PELI1: variants seen among roughly 807,000 people sequenced by gnomAD.
PELI1 encodes pellino E3 ubiquitin protein ligase 1.
Under a neutral mutation model 41.3 loss-of-function variants are expected in PELI1, and 15 were observed. That is an observed-to-expected ratio of 0.36 (90% CI 0.24 to 0.56). The LOEUF (loss-of-function observed/expected upper bound fraction) is 0.56, where lower values mean the gene tolerates loss of function less well. PELI1 is among the 20% of genes least tolerant of loss of function. The pLI is 0.82. For synonymous variants in PELI1, 178 were observed against 180.1 expected (o/e 0.99, Z 0.09); for missense variants, 403 against 525.5 (o/e 0.77, Z 2.28).
At position 64,143,709 on chromosome 2, in the gene PELI1, G is replaced by A. The variant is rs529580284; in HGVS notation, c.-70+372C>T. Among the ~76,000 whole-genome samples, 553 of 152,266 alleles carry A rather than the reference G, an allele frequency of 3.6e-3. 1 individual carries two copies. The highest frequency in any genetic ancestry group is 6.3e-3 in the Non-Finnish European group (425 of 67,992). On this transcript the variant is annotated intron_variant, in intron 1 of 6. Coordinates refer to ENST00000358912, the MANE Select transcript of PELI1 (RefSeq NM_020651.4). ...AGTTATCAGATCCGCACAAACAAAAGGGAAACCCACCGCCCCTTTTGTTTC... is the reference window on the plus strand; with the variant it reads ...AGTTATCAGATCCGCACAAACAAAAAGGAAACCCACCGCCCCTTTTGTTTC...
intron 1 of PELI1, among the ~76,000 whole-genome samples, chr2:64,117,953 G>A (rs1681056466): frequency 6.6e-6 from 1 of 152,114 alleles, no homozygotes; most frequent in South Asian, 2.1e-4. Flanking sequence ...GGGACTACAG[G>A]TGCATGCCAC....
intron 4 of PELI1, 139 bp downstream of exon 4, chr2:64,100,259 T>C: frequency 1.7e-6 from 1 of 587,738 alleles, no homozygotes. Flanking sequence ...CTTCTATTTA[T>C]AAGGGTTAGC....
At chr2:64,107,449 G>A (rs1680657203) in intron 2 of PELI1, among the ~76,000 whole-genome samples, 1 of 152,132 alleles carries the variant, frequency 6.6e-6, no homozygotes, top group South Asian at 2.1e-4. Context: ...GGCTTCAGAG[G>A]CATTATGCTG....
chr2:64,109,542 T>A (rs927007968), intron 1 of PELI1, among the ~76,000 whole-genome samples: 5 of 151,948 alleles, frequency 3.3e-5, no homozygotes, highest in Non-Finnish European at 7.4e-5. Flanking sequence ...TAGCCGGGCG[T>A]GGTGGCACAT....
intron 1 of PELI1, among the ~76,000 whole-genome samples, chr2:64,132,671 G>C (rs1299548370): frequency 1.3e-5 from 2 of 152,166 alleles, no homozygotes; most frequent in African/African-American, 2.4e-5. Context: ...AATAAGTCTA[G>C]GAATATGTGG....
At chr2:64,123,680 C>T (rs1462308261) in intron 1 of PELI1, among the ~76,000 whole-genome samples, 1 of 152,162 alleles carries the variant, frequency 6.6e-6, no homozygotes, top group East Asian at 1.9e-4. Flanking sequence ...CTGGAGTCCT[C>T]AATCATGGCT....
chr2:64,124,505 G>C (rs1187615524), intron 1 of PELI1, among the ~76,000 whole-genome samples: 2 of 152,132 alleles, frequency 1.3e-5, no homozygotes, highest in African/African-American at 4.8e-5. Context: ...TTCTTGGCCA[G>C]AGAAACTGAG....
chr2:64,102,337 T>C (rs985705318), intron 3 of PELI1, among the ~76,000 whole-genome samples: 1 of 152,014 alleles, frequency 6.6e-6, no homozygotes, highest in Non-Finnish European at 1.5e-5. Flanking sequence ...TATACATATA[T>C]ATATACACAC....
Position 64,102,866 on chromosome 2 carries a change from A to T in PELI1, c.201+1835T>A, listed in dbSNP as rs1423242516. Among the ~76,000 whole-genome samples, 4 of 143,114 alleles carry T rather than the reference A, an allele frequency of 2.8e-5. No individual in the cohort carries two copies. In the Admixed American group the frequency reaches 2.9e-4, roughly 10 times the overall value. 93.9% of individuals were successfully genotyped at this position (143,114 alleles called of 152,430 possible). On this transcript the variant is annotated intron_variant, in intron 3 of 6. Coordinates refer to ENST00000358912, the MANE Select transcript of PELI1 (RefSeq NM_020651.4). ...TTTTTTTTTTTTTTTAAACTGAGAC[A>T]GGGTCTCACTCTGTCACTCAGGCTG...
chr2:64,138,990 G>A (rs1328619194), intron 1 of PELI1, among the ~76,000 whole-genome samples: 1 of 152,040 alleles, frequency 6.6e-6, no homozygotes, highest in Non-Finnish European at 1.5e-5. Flanking sequence ...TCAATATTTT[G>A]AAGTAAAAAC....
intron 1 of PELI1, among the ~76,000 whole-genome samples, chr2:64,111,959 TAATTA>T: frequency 6.6e-6 from 1 of 152,272 alleles, no homozygotes; most frequent in Non-Finnish European, 1.5e-5. Context: ...AGAACAGCAA[TAATTA>T]AAAATTTAAT....
chr2:64,104,807 C>T lies in PELI1; in HGVS notation c.95G>A (p.Gly32Asp), dbSNP rs767032676. 3 of 1,613,364 alleles carry T rather than the reference C, an allele frequency of 1.9e-6. No individual in the cohort carries two copies. Among genetic ancestry groups the T allele is most frequent in the South Asian group, 1.1e-5 (1 of 91,048 alleles). The stretch of plus-strand genomic sequence containing the variant: ...CCTACTTTTCCTCCTTCCTCTATCG[C>T]CATTTGGGAGAGACCCATTATACCT... ...VLGYNGSLPN[G>D]DRGRRKSRFA... Residue 32 changes from glycine to aspartate, a missense_variant, in exon 3 of 7, where the codon GGC (glycine) becomes GAC (aspartate). Physicochemically the swap from Gly to Asp is moderately conservative, Grantham distance 94. Coordinates refer to ENST00000358912, the MANE Select transcript of PELI1 (RefSeq NM_020651.4).
chr2:64,095,294 A>G lies in PELI1; in HGVS notation c.691-26T>C, dbSNP rs376235905. On this transcript the variant is annotated intron_variant, in intron 6 of 6. Transcript: ENST00000358912. Reference sequence around the variant, plus strand: ...CTAGAGGAGACAAGAGTTGAAAAACATATTCACCACTCTGTTTTGGATTTT... The same window carrying G: ...CTAGAGGAGACAAGAGTTGAAAAACGTATTCACCACTCTGTTTTGGATTTT... 9 of 1,518,422 alleles carry G rather than the reference A, an allele frequency of 5.9e-6. No homozygotes were observed. In the African/African-American group the frequency reaches 6.9e-5, roughly 12 times the overall value. The allele number at this position is 1,518,422 out of a possible 1,614,324, so 94.1% of individuals were successfully genotyped here. A position where few individuals can be genotyped will look rare whatever the true frequency, so the allele number is the denominator to read the frequency against.
At chr2:64,127,590 T>G (rs1030578081) in intron 1 of PELI1, among the ~76,000 whole-genome samples, 1 of 152,246 alleles carries the variant, frequency 6.6e-6, no homozygotes, top group African/African-American at 2.4e-5. Context: ...TTGAAGTGGA[T>G]GTCTTCTGGG....
Position 64,094,375 on chromosome 2 carries a change from C to A in PELI1, c.*327G>T. 2 of 210,564 alleles carry A rather than the reference C, an allele frequency of 9.5e-6. No homozygotes were observed. Among genetic ancestry groups the A allele is most frequent in the Admixed American group, 5.2e-5 (1 of 19,244 alleles). 13.0% of individuals were successfully genotyped at this position (210,564 alleles called of 1,614,324 possible). On this transcript the variant is annotated 3_prime_UTR_variant, in exon 7 of 7. Coordinates refer to ENST00000358912, the MANE Select transcript of PELI1 (RefSeq NM_020651.4). The stretch of plus-strand genomic sequence containing the variant: ...TAACATAGTTTGAACCAACAGTACC[C>A]TCAGTTATACAAAACAATTTCAGCA...
chr2:64,130,294 A>AT (rs1386000344), intron 1 of PELI1, among the ~76,000 whole-genome samples: 13 of 152,322 alleles, frequency 8.5e-5, no homozygotes, highest in Non-Finnish European at 1.5e-4. Flanking sequence ...ATATGCCACT[A>AT]TGCTACGTTC....
intron 1 of PELI1, among the ~76,000 whole-genome samples, chr2:64,140,614 GA>G (rs936940330): frequency 1.3e-5 from 2 of 151,352 alleles, no homozygotes; most frequent in Non-Finnish European, 2.9e-5. Context: ...TATCAAAAAA[GA>G]AAAAAATTAG....
intron 1 of PELI1, among the ~76,000 whole-genome samples, chr2:64,116,945 G>A (rs1681013075): frequency 6.6e-6 from 1 of 152,078 alleles, no homozygotes; most frequent in Non-Finnish European, 1.5e-5. Context: ...CTGTTATGGT[G>A]GTCTGTGATC....
intron 4 of PELI1, among the ~76,000 whole-genome samples, chr2:64,099,671 T>C (rs1313117700): frequency 6.6e-6 from 1 of 152,222 alleles, no homozygotes; most frequent in Non-Finnish European, 1.5e-5. Context: ...GTGACAATAA[T>C]TATAAAAGCA....
Sources: allele counts gnomAD v4.1 joint callset (sites outside exome capture counted in the v4.1 genomes callset), GRCh38; gene constraint gnomAD v4.1.1; transcripts MANE v1.5; gene names NCBI Gene and HGNC (gene_info 2026-07-23, HGNC 2026-07-21).